Variants in PHEX observed in about 807,000 individuals in gnomAD.
PHEX encodes the protein phosphate-regulating neutral endopeptidase PHEX.
In PHEX, 16 loss-of-function variants were observed where a neutral mutation model predicts 68.0. That is an observed-to-expected ratio of 0.24 (90% CI 0.16 to 0.36). The LOEUF is 0.36. PHEX is among the 10% of genes least tolerant of loss of function. The pLI is 1.00. For synonymous variants in PHEX, 208 were observed against 205.1 expected (o/e 1.01, Z -0.12); for missense variants, 480 against 575.5 (o/e 0.83, Z 1.70).
At chrX:22,192,352 C>T (rs1934225033) in intron 15 of PHEX, among the ~76,000 whole-genome samples, 1 of 111,808 alleles carries the variant, frequency 8.9e-6, no homozygotes, top group Non-Finnish European at 1.9e-5. Context: ...GGCCTCCCTG[C>T]TTTTGTTCTT....
chrX:22,142,224 C>G (rs1211130104), intron 12 of PHEX, among the ~76,000 whole-genome samples: 2 of 111,895 alleles, frequency 1.8e-5, no homozygotes, highest in Admixed American at 9.5e-5. Flanking sequence ...TGCACTCCAG[C>G]CTGGGCGACA....
In PHEX at chrX:22,247,910, A is replaced by G. The variant is rs367955819; in HGVS notation, c.2207A>G (p.Asn736Ser). The change falls in exon 22 of 22, where the codon AAT (asparagine) becomes AGT (serine). Residue 736 changes from asparagine (N) to serine (S), a missense_variant. Physicochemically the swap from Asn to Ser is conservative, Grantham distance 46. Coordinates refer to ENST00000379374, the MANE Select transcript of PHEX (RefSeq NM_000444.6). The stretch of plus-strand genomic sequence containing the variant: ...CAGAAAGCTTTTAACTGTCCACCCA[A>G]TTCCACGATGAACAGAGGCATGGAC... ...EFQKAFNCPP[N>S]STMNRGMDSC... is the part of the protein sequence containing the mutation. 1.7e-6 allele frequency: 2 copies of G among 1,209,803 alleles called. No homozygotes were observed. Among genetic ancestry groups the G allele is most frequent in the African/African-American group, 1.7e-5 (1 of 57,758 alleles).
chrX:22,051,547 A>T (rs1927835844), intron 3 of PHEX, among the ~76,000 whole-genome samples: 1 of 111,897 alleles, frequency 8.9e-6, no homozygotes, highest in African/African-American at 3.2e-5. Flanking sequence ...AACAAAAAAC[A>T]ACCGCATAAA....
At chrX:22,134,188 C>A (rs182209760) in intron 12 of PHEX, among the ~76,000 whole-genome samples, 2 of 112,392 alleles carry the variant, frequency 1.8e-5, no homozygotes, top group Non-Finnish European at 3.8e-5. Context: ...GGACTACAAA[C>A]GTATTTCCTA....
At chrX:22,076,677 T>C (rs1186359010) in intron 4 of PHEX, among the ~76,000 whole-genome samples, 4 of 111,999 alleles carry the variant, frequency 3.6e-5, no homozygotes, top group Non-Finnish European at 5.6e-5. Context: ...GTGGAGAAAA[T>C]CTTATTTATA....
chrX:22,186,377 G>A (rs771421881), intron 14 of PHEX, among the ~76,000 whole-genome samples: 1 of 112,255 alleles, frequency 8.9e-6, no homozygotes, highest in South Asian at 3.7e-4. Context: ...AGTCACTAAG[G>A]CTAACCCATA....
At chrX:22,094,272 C>T (rs1309593946) in intron 7 of PHEX, among the ~76,000 whole-genome samples, 173 bp downstream of exon 7, 1 of 112,053 alleles carries the variant, frequency 8.9e-6, no homozygotes, top group Non-Finnish European at 1.9e-5. Flanking sequence ...CTAATAGCAT[C>T]CCCTCTAGGA....
At chrX:22,064,507 C>T (rs1012284450) in intron 3 of PHEX, among the ~76,000 whole-genome samples, 2 of 111,614 alleles carry the variant, frequency 1.8e-5, no homozygotes, top group Non-Finnish European at 3.8e-5. Context: ...GCATAGTATT[C>T]CGTGGTATGT....
chrX:22,103,791 A>T (rs954314690), intron 9 of PHEX, among the ~76,000 whole-genome samples: 3 of 112,190 alleles, frequency 2.7e-5, no homozygotes, highest in Non-Finnish European at 5.6e-5. Flanking sequence ...TCTTTTTTGT[A>T]TAATGACTTC....
chrX:22,098,448 G>A (rs956145369), intron 8 of PHEX, among the ~76,000 whole-genome samples: 6 of 107,324 alleles, frequency 5.6e-5, no homozygotes, highest in Non-Finnish European at 7.7e-5. Flanking sequence ...TGTGGGTGTC[G>A]TCCAGATGTA....
At chrX:22,238,416 C>T (rs1243049231) in intron 20 of PHEX, among the ~76,000 whole-genome samples, 2 of 111,740 alleles carry the variant, frequency 1.8e-5, no homozygotes, top group Non-Finnish European at 3.8e-5. Flanking sequence ...AGCTACTGCG[C>T]ATTTCCCACA....
At chrX:22,095,348 A>T (rs1930088290) in intron 7 of PHEX, among the ~76,000 whole-genome samples, 1 of 112,260 alleles carries the variant, frequency 8.9e-6, no homozygotes, top group Admixed American at 9.4e-5. Context: ...CATTTGGACT[A>T]AAACTCTGAA....
intron 19 of PHEX, 141 bp downstream of exon 19, chrX:22,226,649 C>CT: frequency 1.8e-6 from 1 of 557,196 alleles, no homozygotes. Flanking sequence ...AGAAGTGTGT[C>CT]TCCCCATTGA....
chrX:22,128,329 C>T (rs1019750031), intron 11 of PHEX, among the ~76,000 whole-genome samples: 7 of 110,383 alleles, frequency 6.3e-5, no homozygotes, highest in African/African-American at 1.3e-4. Context: ...TCCCAAAGTG[C>T]TGGGATTACA....
At chrX:22,037,145 T>C (rs1433565599) in intron 1 of PHEX, among the ~76,000 whole-genome samples, 1 of 109,287 alleles carries the variant, frequency 9.2e-6, no homozygotes, top group Non-Finnish European at 1.9e-5. Flanking sequence ...TCGGCAGTTT[T>C]CTTGAATCTC....
intron 15 of PHEX, among the ~76,000 whole-genome samples, chrX:22,203,009 C>T (rs756549157): frequency 5.4e-5 from 6 of 110,974 alleles, no homozygotes; most frequent in African/African-American, 2.0e-4. Flanking sequence ...TGCAAGATGC[C>T]AAAGATTGAG....
intron 9 of PHEX, among the ~76,000 whole-genome samples, chrX:22,105,108 C>A (rs1308765364): frequency 8.9e-6 from 1 of 112,067 alleles, no homozygotes; most frequent in Non-Finnish European, 1.9e-5. Context: ...GTCTTGCTAG[C>A]CAAAGAATGG....
intron 12 of PHEX, among the ~76,000 whole-genome samples, chrX:22,148,675 ACT>A (rs1312564355): frequency 9.1e-6 from 1 of 109,339 alleles, no homozygotes; most frequent in African/African-American, 3.3e-5. Context: ...ACTACTTTCT[ACT>A]CTCTGTTTCT....
chrX:22,064,451 T>C (rs1928512190), intron 3 of PHEX, among the ~76,000 whole-genome samples: 1 of 111,956 alleles, frequency 8.9e-6, no homozygotes, highest in Non-Finnish European at 1.9e-5. Context: ...GGCCTCCAGC[T>C]CCATCTATGT....
Sources: gnomAD v4.1 joint callset for allele counts (sites outside exome capture counted in the v4.1 genomes callset) on GRCh38, gnomAD v4.1.1 for gene constraint, MANE v1.5 for transcripts, NCBI Gene and HGNC (gene_info 2026-07-23, HGNC 2026-07-21) for gene names.